Variants in CEMIP observed in about 807,000 individuals in gnomAD.
CEMIP encodes the protein cell migration inducing hyaluronidase 1, also known as cell migration-inducing and hyaluronan-binding protein.
In CEMIP, 105 loss-of-function variants were observed where a neutral mutation model predicts 156.9. That is an observed-to-expected ratio of 0.67 (90% CI 0.57 to 0.79). The LOEUF is 0.79. Ranked by LOEUF, CEMIP falls within the 30% of genes least tolerant of loss-of-function variation. The probability of loss-of-function intolerance (pLI) is 0.00; values close to 1 mark genes in which losing one functional copy is unlikely to be tolerated. For missense variants in CEMIP, 1,457 were observed against 1,769.4 expected, an observed-to-expected ratio of 0.82 and a Z score of 3.17; for synonymous variants, 676 against 668.4, an observed-to-expected ratio of 1.01 and a Z score of -0.17.
intron 1 of CEMIP, among the ~76,000 whole-genome samples, chr15:80,839,289 AGTGTGTGTG>A (rs1254413827): frequency 2.3e-5 from 3 of 131,188 alleles, no homozygotes; most frequent in African/African-American, 9.2e-5. Flanking sequence ...CAAGGCCGTG[AGTGTGTGTG>A]TGTGTGTGTG....
chr15:80,887,297 A>G (rs2141840968), intron 7 of CEMIP, among the ~76,000 whole-genome samples: 1 of 152,264 alleles, frequency 6.6e-6, no homozygotes, highest in East Asian at 1.9e-4. Flanking sequence ...TGAGCATGAG[A>G]GAAATAACCT....
At chr15:80,938,003 C>A in intron 25 of CEMIP, 24 bp downstream of exon 25, 1 of 1,602,796 alleles carries the variant, frequency 6.2e-7, no homozygotes, top group Non-Finnish European at 8.5e-7. Context: ...CACTTGGCTG[C>A]AGGAAAGTGG....
At chr15:80,911,797 G>C (rs1189053911) in intron 14 of CEMIP, among the ~76,000 whole-genome samples, 1 of 152,274 alleles carries the variant, frequency 6.6e-6, no homozygotes, top group Non-Finnish European at 1.5e-5. Flanking sequence ...CAAAAAGGGG[G>C]AAGCGGCACA....
intron 1 of CEMIP, among the ~76,000 whole-genome samples, chr15:80,791,944 A>G (rs896667350): frequency 6.6e-6 from 1 of 152,116 alleles, no homozygotes; most frequent in Non-Finnish European, 1.5e-5. Context: ...TGAGATGGAT[A>G]CTCTGAATGC....
At chr15:80,810,601 C>T (rs1039426297) in intron 1 of CEMIP, among the ~76,000 whole-genome samples, 1 of 152,144 alleles carries the variant, frequency 6.6e-6, no homozygotes, top group African/African-American at 2.4e-5. Flanking sequence ...GTGATCCGCC[C>T]TCCTCGGCCT....
chr15:80,825,295 C>A (rs1897007690), intron 1 of CEMIP, among the ~76,000 whole-genome samples: 1 of 152,008 alleles, frequency 6.6e-6, no homozygotes, highest in African/African-American at 2.4e-5. Context: ...CACAACAAAC[C>A]TATGGTAGCA....
At chr15:80,815,708 A>G (rs1468959678) in intron 1 of CEMIP, among the ~76,000 whole-genome samples, 1 of 152,162 alleles carries the variant, frequency 6.6e-6, no homozygotes, top group Non-Finnish European at 1.5e-5. Flanking sequence ...AAAAAAATTA[A>G]AGATCATGTT....
At chr15:80,914,239 G>A (rs1374736763) in intron 14 of CEMIP, among the ~76,000 whole-genome samples, 1 of 152,244 alleles carries the variant, frequency 6.6e-6, no homozygotes, top group Non-Finnish European at 1.5e-5. Flanking sequence ...GAATGGTCCA[G>A]TACTTTTGTG....
At position 80,922,147 on chromosome 15, in the gene CEMIP, T is replaced by C; in HGVS notation, c.2202+10T>C. The C allele has an allele frequency of 6.2e-7, 1 of 1,614,048 alleles. No individual in the cohort carries two copies. Among genetic ancestry groups the C allele is most frequent in the Non-Finnish European group, 8.5e-7 (1 of 1,179,936 alleles). On this transcript the variant is annotated intron_variant, in intron 17 of 29. Transcript: ENST00000394685. ...ACATTCCAACTACCGGGTAAGTCTT[T>C]CCAGGCTGCGCCTCTCTGGCCAGCC...
At chr15:80,790,758 C>T (rs771552211) in intron 1 of CEMIP, among the ~76,000 whole-genome samples, 30 of 152,150 alleles carry the variant, frequency 2.0e-4, no homozygotes, top group African/African-American at 1.2e-4. Context: ...GAGTTGAATT[C>T]GTTGAGAGTA....
At chr15:80,829,873 A>AATCTTACT (rs1164307495) in intron 1 of CEMIP, among the ~76,000 whole-genome samples, 1 of 152,066 alleles carries the variant, frequency 6.6e-6, no homozygotes, top group Admixed American at 6.5e-5. Flanking sequence ...AATTTCCCCA[A>AATCTTACT]ATCTTACTGT....
At chr15:80,795,035 C>T (rs1896182217) in intron 1 of CEMIP, among the ~76,000 whole-genome samples, 1 of 151,748 alleles carries the variant, frequency 6.6e-6, no homozygotes, top group African/African-American at 2.4e-5. Context: ...TGCAAAGAGG[C>T]CTCAAGACAG....
intron 1 of CEMIP, among the ~76,000 whole-genome samples, chr15:80,852,876 G>A (rs182194885): frequency 2.5e-4 from 38 of 152,250 alleles, no homozygotes; most frequent in Admixed American, 8.5e-4. Flanking sequence ...GTAAATACAG[G>A]AAAGTAGCTC....
chr15:80,941,284 G>A (rs1266825570), intron 25 of CEMIP, among the ~76,000 whole-genome samples: 1 of 152,118 alleles, frequency 6.6e-6, no homozygotes, highest in African/African-American at 2.4e-5. Context: ...TTAGTACTGT[G>A]TTTTCCTCAT....
chr15:80,846,545 C>G (rs776139979), intron 1 of CEMIP, among the ~76,000 whole-genome samples: 13 of 152,174 alleles, frequency 8.5e-5, no homozygotes, highest in Non-Finnish European at 1.8e-4. Flanking sequence ...TGTGTGCAAG[C>G]TCATCTTCTC....
rs560250860 is a variant in CEMIP, at chr15:80,929,951, G to C, written c.2612+777G>C. Among the ~76,000 whole-genome samples the C allele has an allele frequency of 2.0e-4, 30 of 152,298 alleles. 1 individual carries two copies. The South Asian group carries it at 4.8e-3, about 24-fold the overall frequency. On this transcript the variant is annotated intron_variant, in intron 21 of 29. Transcript: ENST00000394685. ...CAGTCAATTCCTTGGAAAACCACAG[G>C]CTGGGTCAGTGGTGAGGAAATCTCC...
chr15:80,862,042 C>T (rs2141769975), intron 1 of CEMIP, among the ~76,000 whole-genome samples: 1 of 152,360 alleles, frequency 6.6e-6, no homozygotes, highest in Non-Finnish European at 1.5e-5. Context: ...GGGGCAGCCT[C>T]CTGCGCTCCC....
intron 23 of CEMIP, 82 bp from the exon 24 acceptor site, chr15:80,936,592 T>A: frequency 1.6e-6 from 2 of 1,246,710 alleles, no homozygotes; most frequent in Non-Finnish European, 1.2e-6. Flanking sequence ...AAGTGCGGTC[T>A]ATAGTCAGAT....
At chr15:80,911,649 C>A (rs8028489) in intron 14 of CEMIP, among the ~76,000 whole-genome samples, 10,234 of 152,302 alleles carry the variant, frequency 0.067, 1,133 homozygotes, top group African/African-American at 0.23. Flanking sequence ...AGTTTCCTCA[C>A]ACGTGCTGTG....
Sources: allele counts gnomAD v4.1 joint callset (sites outside exome capture counted in the v4.1 genomes callset), GRCh38; gene constraint gnomAD v4.1.1; transcripts MANE v1.5; gene names NCBI Gene and HGNC (gene_info 2026-07-23, HGNC 2026-07-21).